The following CNTNAP3B variants were observed in gnomAD, a reference collection of about 807,000 sequenced individuals.
The protein encoded by CNTNAP3B is contactin-associated protein-like 3B.
CNTNAP3B carries 25 observed loss-of-function variants against 108.9 expected under a neutral mutation model. The observed-to-expected ratio is 0.23, with a 90% CI of 0.17 to 0.32. The LOEUF (loss-of-function observed/expected upper bound fraction) is 0.32, where lower values mean the gene tolerates loss of function less well. Among genes scored for constraint, CNTNAP3B ranks in the 10% least tolerant of loss-of-function variants. The pLI is 1.00. For synonymous variants in CNTNAP3B, 103 were observed against 473.4 expected (o/e 0.22, Z 10.16); for missense variants, 252 against 1,210.4 (o/e 0.21, Z 11.75).
intron 15 of CNTNAP3B, among the ~76,000 whole-genome samples, 186 bp from the exon 16 acceptor site, chr9:41,924,279 A>C (rs1823746878): frequency 6.6e-6 from 1 of 152,310 alleles, no homozygotes. Flanking sequence ...GATTACGCTG[A>C]GGATTGGAAT....
At chr9:41,942,808 TA>T (rs1192578958) in intron 13 of CNTNAP3B, among the ~76,000 whole-genome samples, 1,650 of 150,664 alleles carry the variant, frequency 0.011, no homozygotes, top group African/African-American at 0.028. Context: ...AAAAATAAAA[TA>T]ACCTTAGAGG....
intron 1 of CNTNAP3B, among the ~76,000 whole-genome samples, chr9:42,119,940 A>G (rs1371408318): frequency 1.4e-5 from 2 of 140,320 alleles, no homozygotes; most frequent in East Asian, 2.2e-4. Context: ...CTAAAACACC[A>G]AAAGCAATGG....
chr9:41,933,574 T>C (rs1824046227), intron 14 of CNTNAP3B, among the ~76,000 whole-genome samples: 1 of 152,298 alleles, frequency 6.6e-6, no homozygotes, highest in Non-Finnish European at 1.5e-5. Flanking sequence ...GTAATTATTT[T>C]ACGATTTTAT....
intron 3 of CNTNAP3B, among the ~76,000 whole-genome samples, chr9:42,076,428 A>T (rs1162235089): frequency 8.9e-6 from 1 of 112,544 alleles, no homozygotes; most frequent in Non-Finnish European, 1.8e-5. Context: ...CTCTGTCTCT[A>T]AAAAAAAAAA....
intron 9 of CNTNAP3B, among the ~76,000 whole-genome samples, chr9:41,973,876 C>T (rs1481870421): frequency 7.5e-6 from 1 of 133,348 alleles, no homozygotes; most frequent in South Asian, 2.5e-4. Flanking sequence ...GACAGAGTCT[C>T]GCTCTGTTGC....
At chr9:42,120,738 C>A (rs1405690142) in intron 1 of CNTNAP3B, among the ~76,000 whole-genome samples, 1 of 128,360 alleles carries the variant, frequency 7.8e-6, no homozygotes, top group Admixed American at 8.0e-5. Context: ...AACCAAACAC[C>A]GCATGTTCTC....
intron 11 of CNTNAP3B, among the ~76,000 whole-genome samples, chr9:41,963,076 T>G (rs1315417769): frequency 3.3e-5 from 5 of 152,282 alleles, no homozygotes; most frequent in African/African-American, 1.2e-4. Flanking sequence ...CTGGACTGTC[T>G]CCTCTTTTGC....
intron 1 of CNTNAP3B, among the ~76,000 whole-genome samples, chr9:42,111,197 T>A (rs1475452301): frequency 7.2e-6 from 1 of 139,544 alleles, no homozygotes; most frequent in Non-Finnish European, 1.5e-5. Flanking sequence ...GAACAGAACC[T>A]GGGACTTTCG....
chr9:41,930,835 C>G (rs1025470888), intron 14 of CNTNAP3B, among the ~76,000 whole-genome samples: 138 of 152,268 alleles, frequency 9.1e-4, no homozygotes, highest in South Asian at 1.7e-3. Flanking sequence ...CATTTGTCTA[C>G]TCTGCTGCAA....
chr9:41,933,129 G>A (rs1350207853), intron 14 of CNTNAP3B, among the ~76,000 whole-genome samples: 9 of 152,146 alleles, frequency 5.9e-5, no homozygotes, highest in Admixed American at 5.9e-4. Context: ...TTGGAATTTT[G>A]TTAAAATTAC....
intron 3 of CNTNAP3B, among the ~76,000 whole-genome samples, chr9:42,026,548 C>G (rs529738942): frequency 2.2e-5 from 2 of 91,226 alleles, no homozygotes; most frequent in East Asian, 5.8e-4. Flanking sequence ...GATGGCTCCA[C>G]GGCACGGCAC....
chr9:41,926,140 G>A (rs1301151220), intron 15 of CNTNAP3B, among the ~76,000 whole-genome samples: 1 of 152,220 alleles, frequency 6.6e-6, no homozygotes, highest in East Asian at 1.9e-4. Context: ...TTTTAACCCA[G>A]CACCACAGGG....
intron 4 of CNTNAP3B, among the ~76,000 whole-genome samples, chr9:42,001,259 G>A (rs929434687): frequency 1.0e-5 from 1 of 95,468 alleles, no homozygotes; most frequent in Non-Finnish European, 2.0e-5. Flanking sequence ...AGACCAGCCT[G>A]GGCAGCATGG....
At chr9:42,109,533 T>C (rs1828147476) in intron 1 of CNTNAP3B, among the ~76,000 whole-genome samples, 1 of 147,254 alleles carries the variant, frequency 6.8e-6, no homozygotes, top group Non-Finnish European at 1.5e-5. Context: ...GGGCGACAAC[T>C]GATCCTTTGG....
At chr9:41,934,100 C>CATAT (rs1186532915) in intron 14 of CNTNAP3B, among the ~76,000 whole-genome samples, 4,041 of 90,176 alleles carry the variant, frequency 0.045, 93 homozygotes, top group Non-Finnish European at 0.054. Context: ...ATATTTGTTA[C>CATAT]ATATATATAT....
chr9:41,963,167 C>T (rs1464850575), intron 11 of CNTNAP3B, among the ~76,000 whole-genome samples: 1 of 152,298 alleles, frequency 6.6e-6, no homozygotes, highest in African/African-American at 2.4e-5. Flanking sequence ...CACTCCACAG[C>T]CTGCCTTTCT....
intron 12 of CNTNAP3B, among the ~76,000 whole-genome samples, chr9:41,959,050 C>T (rs1162644579): frequency 7.1e-6 from 1 of 141,762 alleles, no homozygotes; most frequent in Admixed American, 7.1e-5. Context: ...AAGGTTAGTG[C>T]TTGTGGAAGA....
At chr9:41,958,519 T>G (rs1351638560) in intron 12 of CNTNAP3B, among the ~76,000 whole-genome samples, 2 of 151,894 alleles carry the variant, frequency 1.3e-5, no homozygotes, top group East Asian at 1.9e-4. Context: ...ATAAGTAACA[T>G]GTGTGGGAAG....
At chr9:41,955,638 T>C (rs1824834333) in intron 12 of CNTNAP3B, among the ~76,000 whole-genome samples, 2 of 152,282 alleles carry the variant, frequency 1.3e-5, no homozygotes, top group South Asian at 4.1e-4. Flanking sequence ...TCAAGTGAAT[T>C]GGACCTGAGT....
Sources: gnomAD v4.1 joint callset for allele counts (sites outside exome capture counted in the v4.1 genomes callset) on GRCh38, gnomAD v4.1.1 for gene constraint, MANE v1.5 for transcripts, NCBI Gene and HGNC (gene_info 2026-07-23, HGNC 2026-07-21) for gene names.